The following ANK2 variants were observed in gnomAD, a reference collection of about 807,000 sequenced individuals.
The protein encoded by ANK2 is ankyrin 2, also known as ankyrin-2.
Under a neutral mutation model 360.5 loss-of-function variants are expected in ANK2, and 83 were observed. The ratio of observed to expected loss-of-function variants is 0.23; its 90% CI spans 0.19 to 0.28. The LOEUF (loss-of-function observed/expected upper bound fraction) is 0.28, where lower values mean the gene tolerates loss of function less well. ANK2 is among the 10% of genes least tolerant of loss of function. The pLI is 1.00. For synonymous variants in ANK2, 1,740 were observed against 1,759.5 expected, an observed-to-expected ratio of 0.99 and a Z score of 0.28; for missense variants, 4,201 against 4,795.7, an observed-to-expected ratio of 0.88 and a Z score of 3.66.
At chr4:112,718,914 GGCATGAGCCACCGCACCCGGTC>G in the ANK2 span, among the ~76,000 whole-genome samples, 50,442 of 152,050 alleles carry the variant, frequency 0.33, 8,961 homozygotes, top group African/African-American at 0.43. Flanking sequence ...TGGGATTACA[GGCATGAGCCACCGCACCCGGTC>G]GCATGAGCCA....
At chr4:112,779,806 T>C in the ANK2 span, among the ~76,000 whole-genome samples, 1 of 152,188 alleles carries the variant, frequency 6.6e-6, no homozygotes, top group African/African-American at 2.4e-5. Flanking sequence ...ACCTTTATGA[T>C]AGAGCCTGAC....
chr4:113,153,606 G>C (rs1300660123), intron 1 of ANK2, among the ~76,000 whole-genome samples: 1 of 151,942 alleles, frequency 6.6e-6, no homozygotes. Flanking sequence ...AGCTTTTTAT[G>C]CATTCTTACA....
Position 113,357,487 on chromosome 4 carries a change from T to A in ANK2, c.8869T>A (p.Ser2957Thr), listed in dbSNP as rs1486067962. 6.2e-7 allele frequency: 1 copy of A among 1,614,160 alleles called. No individual in the cohort carries two copies. The highest frequency in any genetic ancestry group is 8.5e-7 in the Non-Finnish European group (1 of 1,179,992). ...DANHTTSFHS[S>T]EVYSVTITSP... The stretch of plus-strand genomic sequence containing the variant: ...AAATCACACCACAAGTTTTCACTCT[T>A]CTGAAGTGTATTCTGTTACCATCAC... Residue 2957 changes from serine (S) to threonine (T), a missense_variant, in exon 38 of 46, where the codon TCT becomes ACT. Transcript: ENST00000357077.
At chr4:113,238,742 C>T (rs969506501) in intron 7 of ANK2, among the ~76,000 whole-genome samples, 8 of 152,042 alleles carry the variant, frequency 5.3e-5, no homozygotes, top group Non-Finnish European at 8.8e-5. Context: ...AGAAGAGAAA[C>T]CCCTTCGTCT....
chr4:113,155,806 G>A (rs2097266386), intron 1 of ANK2, among the ~76,000 whole-genome samples: 1 of 152,116 alleles, frequency 6.6e-6, no homozygotes, highest in Non-Finnish European at 1.5e-5. Context: ...AGGACAAAAA[G>A]TGTGAATAGA....
At chr4:113,118,602 A>G (rs1455585580) in intron 1 of ANK2, among the ~76,000 whole-genome samples, 1 of 152,184 alleles carries the variant, frequency 6.6e-6, no homozygotes, top group Non-Finnish European at 1.5e-5. Context: ...TAAAATTAGC[A>G]GTATATAATG....
intron 2 of ANK2, among the ~76,000 whole-genome samples, chr4:112,962,802 C>G (rs2035504321): frequency 6.6e-6 from 1 of 152,078 alleles, no homozygotes; most frequent in Non-Finnish European, 1.5e-5. Context: ...TGACTTATGG[C>G]AAGAGTAGAA....
chr4:112,856,765 A>G (rs754637056), intron 1 of ANK2, among the ~76,000 whole-genome samples: 6 of 152,356 alleles, frequency 3.9e-5, no homozygotes, highest in Admixed American at 6.5e-5. Context: ...TATTACTCAG[A>G]TACTTGCTAG....
rs760014047 is a variant in ANK2, at chr4:113,348,270, G to A, written c.4372-6G>A. The A allele has an allele frequency of 1.9e-6, 3 of 1,613,128 alleles. No individual in the cohort carries two copies. The highest frequency in any genetic ancestry group is 1.7e-6 in the Non-Finnish European group (2 of 1,179,394). ...TCCATCTTGCATGGCATCTTGGGGC[G>A]GAAAGGAATCAGAGTCAGATCAAGA... On this transcript the variant is annotated splice_region_variant and splice_polypyrimidine_tract_variant and intron_variant, in intron 35 of 45. Coordinates refer to ENST00000357077, the MANE Select transcript of ANK2 (RefSeq NM_001148.6).
In ANK2 at chr4:113,233,106, G is replaced by GTTTTTTTTT. The variant is rs1156385030; in HGVS notation, c.483+885_483+893dup. Among the ~76,000 whole-genome samples the GTTTTTTTTT allele has an allele frequency of 5.3e-4, 42 of 79,676 alleles. 5 individuals are homozygous for GTTTTTTTTT. Among genetic ancestry groups the GTTTTTTTTT allele is most frequent in the Non-Finnish European group, 6.3e-4 (25 of 39,838 alleles). The allele number at this position is 79,676 out of a possible 152,430, so 52.3% of individuals were successfully genotyped here. On this transcript the variant is annotated intron_variant, in intron 5 of 45. Coordinates refer to ENST00000357077, the MANE Select transcript of ANK2 (RefSeq NM_001148.6). The stretch of plus-strand genomic sequence containing the variant: ...CAGAGTATATGGGCTTGGCTTTTCT[G>GTTTTTTTTT]TTTTTTTTTTTTTTTTTTTTTTTTT...
At chr4:113,151,455 C>T (rs1028958861) in intron 1 of ANK2, among the ~76,000 whole-genome samples, 1 of 152,010 alleles carries the variant, frequency 6.6e-6, no homozygotes, top group Non-Finnish European at 1.5e-5. Context: ...GTGCCAGGCT[C>T]TTGTTAATGA....
intron 2 of ANK2, among the ~76,000 whole-genome samples, chr4:112,986,222 A>T (rs560183620): frequency 6.6e-6 from 1 of 151,902 alleles, no homozygotes; most frequent in African/African-American, 2.4e-5. Context: ...TATAGCTTCT[A>T]TATATGAACA....
chr4:113,300,033 T>A (rs1368597612), intron 22 of ANK2, among the ~76,000 whole-genome samples: 2 of 152,060 alleles, frequency 1.3e-5, no homozygotes, highest in Non-Finnish European at 2.9e-5. Context: ...AATTTATTGG[T>A]GTTAAATTTC....
intron 1 of ANK2, among the ~76,000 whole-genome samples, chr4:112,832,481 G>C (rs959482522): frequency 2.5e-4 from 38 of 152,328 alleles, no homozygotes; most frequent in African/African-American, 7.9e-4. Context: ...GCCCAGGAAA[G>C]ACTATTGTTT....
intron 4 of ANK2, among the ~76,000 whole-genome samples, chr4:113,203,971 A>AT (rs2098900363): frequency 2.6e-5 from 4 of 152,192 alleles, no homozygotes. Context: ...CTCACTTAAT[A>AT]TTTTTTATGA....
chr4:112,711,222 T>C, the ANK2 span, among the ~76,000 whole-genome samples: 1 of 150,464 alleles, frequency 6.6e-6, no homozygotes. Context: ...AGGGTCTCTC[T>C]GTACTGCCCA....
chr4:112,837,520 G>C (rs2061249865), intron 1 of ANK2, among the ~76,000 whole-genome samples: 1 of 152,200 alleles, frequency 6.6e-6, no homozygotes, highest in Non-Finnish European at 1.5e-5. Context: ...CCCAAGAATG[G>C]TAGATCCACC....
In ANK2 at chr4:113,355,012, A is replaced by C. The variant is rs1198189930; in HGVS notation, c.6394A>C (p.Thr2132Pro). Residue 2132 changes from threonine to proline, a missense_variant, in exon 38 of 46, where the codon ACC (threonine) becomes CCC (proline). This residue lies in a region of ANK2 where 2,642 missense variants were observed against 2,714.5 expected (regional missense o/e 0.97). Coordinates refer to ENST00000357077, the MANE Select transcript of ANK2 (RefSeq NM_001148.6). ...TCTACAGATCAGCCCAGATAGGAAA[A>C]CCTCCACTGACTTCTCTGAGGTCAT... ...MDLQISPDRK[T>P]STDFSEVIKQ... The C allele has an allele frequency of 6.2e-7, 1 of 1,613,750 alleles. No individual in the cohort carries two copies. Among genetic ancestry groups the C allele is most frequent in the Non-Finnish European group, 8.5e-7 (1 of 1,179,950 alleles).
chr4:113,244,086 A>C lies in ANK2; in HGVS notation c.891+1877A>C, dbSNP rs182037485. Among the ~76,000 whole-genome samples the C allele has an allele frequency of 1.7e-3, 256 of 152,350 alleles. 1 individual carries two copies. The highest frequency in any genetic ancestry group is 5.7e-3 in the African/African-American group (239 of 41,586). ...GTATCTTCATAAAAAGAGTACTAAG[A>C]AATGAAGAGAAATGGATTCTTATAC... On this transcript the variant is annotated intron_variant, in intron 9 of 45. Coordinates refer to ENST00000357077, the MANE Select transcript of ANK2 (RefSeq NM_001148.6).
Sources: allele counts gnomAD v4.1 joint callset (sites outside exome capture counted in the v4.1 genomes callset), GRCh38; gene constraint gnomAD v4.1.1; regional missense constraint gnomAD v4.1.1; transcripts MANE v1.5; gene names NCBI Gene and HGNC (gene_info 2026-07-23, HGNC 2026-07-21).